Variants in CEP350 observed in about 807,000 individuals in gnomAD.
The protein encoded by CEP350 is centrosome-associated protein 350.
CEP350 carries 126 observed loss-of-function variants against 331.8 expected under a neutral mutation model. That is an observed-to-expected ratio of 0.38 (90% CI 0.33 to 0.44). CEP350 has a LOEUF of 0.44. Among genes scored for constraint, CEP350 ranks in the 20% least tolerant of loss-of-function variants. The pLI is 1.00. For synonymous variants in CEP350, 1,200 were observed against 1,259.5 expected (o/e 0.95, Z 1.00); for missense variants, 3,406 against 3,634.6 (o/e 0.94, Z 1.62).
chr1:180,031,851 C>T (rs1359984927), intron 15 of CEP350, among the ~76,000 whole-genome samples: 3 of 152,086 alleles, frequency 2.0e-5, no homozygotes, highest in Non-Finnish European at 1.5e-5. Context: ...GGTCATAGAT[C>T]AATTCTAAGT....
Position 180,087,738 on chromosome 1 carries a change from G to C in CEP350, c.6425+21G>C, listed in dbSNP as rs372701654. 6 of 1,479,592 alleles carry C rather than the reference G, an allele frequency of 4.1e-6. No individual in the cohort carries two copies. The African/African-American group carries it at 8.6e-5, about 21-fold the overall frequency. The allele number at this position is 1,479,592 out of a possible 1,614,324, so 91.7% of individuals were successfully genotyped here. A position where few individuals can be genotyped will look rare whatever the true frequency, so the allele number is the denominator to read the frequency against. On this transcript the variant is annotated intron_variant, in intron 32 of 37. Transcript: ENST00000367607. Reference sequence around the variant, plus strand: ...CACAGGTAGAAATTTTTGATAACTTGTCTGTATTCTGCCTTGTTTGAAAAA... The same window carrying C: ...CACAGGTAGAAATTTTTGATAACTTCTCTGTATTCTGCCTTGTTTGAAAAA...
At position 180,099,003 on chromosome 1, in the gene CEP350, A is replaced by T. The variant is rs1447202570; in HGVS notation, c.9189+18A>T. ...ATATCCTGGTCAGTGTATACAACCA[A>T]ACTGTTTTTATTTTGACCATATCTT... On this transcript the variant is annotated intron_variant, in intron 37 of 37. Transcript: ENST00000367607. 5 of 1,600,674 alleles carry T rather than the reference A, an allele frequency of 3.1e-6. No homozygotes were observed. The highest frequency in any genetic ancestry group is 4.3e-6 in the Non-Finnish European group (5 of 1,174,534).
rs1220373537 is a variant in CEP350, at chr1:180,114,839, AAGAT to A, written c.*3680_*3683del. The A allele has an allele frequency of 3.9e-5, 6 of 152,782 alleles. No individual in the cohort carries two copies. Among genetic ancestry groups the A allele is most frequent in the East Asian group, 1.9e-4 (1 of 5,190 alleles). The allele number at this position is 152,782 out of a possible 1,614,324, so 9.5% of individuals were successfully genotyped here. A position where few individuals can be genotyped will look rare whatever the true frequency, so the allele number is the denominator to read the frequency against. On this transcript the variant is annotated 3_prime_UTR_variant, in exon 38 of 38. Coordinates refer to ENST00000367607, the MANE Select transcript of CEP350 (RefSeq NM_014810.5). ...TTGTTAACTGAAATATACTTTAAGAAAGATAAAATCTGTAAATAAACTGATTTAT... is the reference window on the plus strand; with the variant it reads ...TTGTTAACTGAAATATACTTTAAGAAAAAATCTGTAAATAAACTGATTTAT...
chr1:180,010,142 A>G (rs1212661062), intron 8 of CEP350, among the ~76,000 whole-genome samples: 7 of 152,118 alleles, frequency 4.6e-5, no homozygotes, highest in Non-Finnish European at 1.0e-4. Flanking sequence ...TGGTTTTTGC[A>G]TCTTTTCACA....
At position 180,074,707 on chromosome 1, in the gene CEP350, A is replaced by T. The variant is rs114092831; in HGVS notation, c.5568-315A>T. ...CTGTTATGGAAAAGAATAACCTACA[A>T]AAAATGAATATCTAAATATGAACAT... On this transcript the variant is annotated intron_variant, in intron 27 of 37. Transcript: ENST00000367607. 6.4e-3 allele frequency among the ~76,000 whole-genome samples: 978 copies of T among 152,302 alleles called. 3 individuals carry two copies. Among genetic ancestry groups the T allele is most frequent in the South Asian group, 8.1e-3 (39 of 4,824 alleles).
At chr1:180,086,096 G>A (rs1323185515) in intron 31 of CEP350, among the ~76,000 whole-genome samples, 3 of 152,126 alleles carry the variant, frequency 2.0e-5, no homozygotes, top group Non-Finnish European at 1.5e-5. Flanking sequence ...CAGAAAATAG[G>A]CCTGTTAATA....
Position 180,048,409 on chromosome 1 carries a change from T to C in CEP350, c.4623-127T>C, listed in dbSNP as rs1242246431. 1.3e-5 allele frequency: 8 copies of C among 630,650 alleles called. No homozygotes were observed. The Admixed American group carries it at 2.6e-4, about 21-fold the overall frequency. The allele number at this position is 630,650 out of a possible 1,614,324, so 39.1% of individuals were successfully genotyped here. The stretch of plus-strand genomic sequence containing the variant: ...ATGTTACTTAGCTTTTTCTGTTTTA[T>C]ATTACATCTTTCTTCATTTTTATCT... On this transcript the variant is annotated intron_variant, in intron 21 of 37. Transcript: ENST00000367607.
At chr1:180,015,259 G>A (rs1456315718) in intron 10 of CEP350, among the ~76,000 whole-genome samples, 2 of 144,190 alleles carry the variant, frequency 1.4e-5, no homozygotes, top group South Asian at 2.2e-4. Context: ...TATTTGAGAC[G>A]GAGTCTCCCT....
At chr1:180,053,659 A>C in intron 23 of CEP350, 91 bp from the exon 24 acceptor site, 1 of 686,354 alleles carries the variant, frequency 1.5e-6, no homozygotes, top group Non-Finnish European at 2.4e-6. Flanking sequence ...TTAAATACAT[A>C]GTTTGTTTTT....
chr1:180,039,883 CA>C (rs1210969603), intron 17 of CEP350, among the ~76,000 whole-genome samples: 1 of 152,104 alleles, frequency 6.6e-6, no homozygotes, highest in Non-Finnish European at 1.5e-5. Flanking sequence ...CACATCTTAA[CA>C]GTGTTGCCTT....
chr1:180,094,019 C>G lies in CEP350; in HGVS notation c.7914C>G (p.Asp2638Glu). 3 of 1,613,716 alleles carry G rather than the reference C, an allele frequency of 1.9e-6. No homozygotes were observed. The highest frequency in any genetic ancestry group is 2.5e-6 in the Non-Finnish European group (3 of 1,179,704). The change falls in exon 34 of 38, where the codon GAC becomes GAG. Residue 2638 changes from aspartate (D) to glutamate (E), a missense_variant. Transcript: ENST00000367607. Reference sequence around the variant, plus strand: ...GTAGAAGCCTTAAAATAGAAACAGACAATGTACAGGACATTTCTGGGGTAC... The same window carrying G: ...GTAGAAGCCTTAAAATAGAAACAGAGAATGTACAGGACATTTCTGGGGTAC... ...NRSRSLKIET[D>E]NVQDISGVLE...
At position 180,087,633 on chromosome 1, in the gene CEP350, C is replaced by G; in HGVS notation, c.6341C>G (p.Thr2114Arg). 1 of 1,556,732 alleles carries G rather than the reference C, an allele frequency of 6.4e-7. No homozygotes were observed. Among genetic ancestry groups the G allele is most frequent in the Non-Finnish European group, 8.7e-7 (1 of 1,148,910 alleles). ...TEAELSQDLETSPTAKPQIKT... is the reference protein window; with the variant it reads ...TEAELSQDLERSPTAKPQIKT... The stretch of plus-strand genomic sequence containing the variant: ...GCCGAGCTTAGCCAAGATTTGGAAA[C>G]ATCACCAACAGCCAAGCCTCAGATT... Residue 2114 changes from threonine to arginine, a missense_variant, in exon 32 of 38, where the codon ACA becomes AGA. Physicochemically the swap from Thr to Arg is moderately conservative, Grantham distance 71 (BLOSUM62 -1). Transcript: ENST00000367607.
intron 17 of CEP350, among the ~76,000 whole-genome samples, chr1:180,037,411 GTTTTTT>G (rs746011276): frequency 4.1e-4 from 58 of 139,794 alleles, no homozygotes; most frequent in African/African-American, 1.5e-3. Context: ...AATACTGAGG[GTTTTTT>G]TTTTTTTTTT....
intron 14 of CEP350, among the ~76,000 whole-genome samples, chr1:180,025,978 G>C (rs1010858690): frequency 6.6e-6 from 1 of 152,116 alleles, no homozygotes; most frequent in Admixed American, 6.5e-5. Flanking sequence ...GGAAGGAACA[G>C]GAATAGGAGG....
At chr1:180,035,280 A>G (rs1656276416) in intron 16 of CEP350, among the ~76,000 whole-genome samples, 1 of 152,246 alleles carries the variant, frequency 6.6e-6, no homozygotes, top group African/African-American at 2.4e-5. Context: ...AGGTGAAGCA[A>G]CAAGTGCTAA....
At chr1:179,990,751 C>T (rs1652995463) in intron 4 of CEP350, 130 bp downstream of exon 4, 3 of 481,308 alleles carry the variant, frequency 6.2e-6, no homozygotes, top group Non-Finnish European at 1.1e-5. Flanking sequence ...GAGACGAAGT[C>T]TCTCTGTGCT....
intron 21 of CEP350, 104 bp downstream of exon 21, chr1:180,044,277 C>A: frequency 1.7e-6 from 2 of 1,165,932 alleles, no homozygotes; most frequent in Non-Finnish European, 2.3e-6. Context: ...TTAAATAGAA[C>A]AGTGTGTGCC....
chr1:180,099,714 A>C (rs1047053329), intron 37 of CEP350, among the ~76,000 whole-genome samples: 4 of 151,946 alleles, frequency 2.6e-5, no homozygotes, highest in African/African-American at 4.8e-5. Flanking sequence ...TCATTTACTC[A>C]GTAATAACTG....
chr1:179,956,027 C>T (rs186362465), intron 1 of CEP350, among the ~76,000 whole-genome samples: 1 of 152,144 alleles, frequency 6.6e-6, no homozygotes, highest in African/African-American at 2.4e-5. Context: ...CTGAAAAGTT[C>T]TGTAGAAACA....
Sources: allele counts gnomAD v4.1 joint callset (sites outside exome capture counted in the v4.1 genomes callset), GRCh38; gene constraint gnomAD v4.1.1; transcripts MANE v1.5; gene names NCBI Gene and HGNC (gene_info 2026-07-23, HGNC 2026-07-21).